Variants in CT45A1 observed in about 807,000 individuals in gnomAD.
The protein encoded by CT45A1 is cancer/testis antigen family 45 member A1.
chrX:135,718,171 C>CTGT (rs782128226), intron 1 of CT45A1, among the ~76,000 whole-genome samples: 1 of 111,285 alleles, frequency 9.0e-6, no homozygotes, highest in Non-Finnish European at 1.9e-5. Context: ...CTGTTTGTTG[C>CTGT]TGTTGTTGTT....
intron 1 of CT45A1, among the ~76,000 whole-genome samples, chrX:135,715,380 A>ATATATAATACTTATATATATAATACTTT (rs2087974909): frequency 1.4e-5 from 1 of 69,505 alleles, no homozygotes; most frequent in African/African-American, 6.2e-5. Flanking sequence ...TATAATACTT[A>ATATATAATACTTATATATATAATACTTT]TATATAATAC....
At chrX:135,711,471 G>T (rs2087932927), upstream of CT45A1, among the ~76,000 whole-genome samples, 1 of 110,795 alleles carries the variant, frequency 9.0e-6, no homozygotes, top group Non-Finnish European at 1.9e-5. Context: ...GTCTCCCTTT[G>T]TCGCCCAGGC....
chrX:135,715,815 A>T (rs1160069383), intron 1 of CT45A1, among the ~76,000 whole-genome samples: 1 of 107,115 alleles, frequency 9.3e-6, no homozygotes, highest in Non-Finnish European at 1.9e-5. Flanking sequence ...TCAACCCATC[A>T]TCTACATTAG....
At chrX:135,710,506 C>T (rs781790177), upstream of CT45A1, 113 of 112,173 alleles carry the variant, frequency 1.0e-3, no homozygotes, top group African/African-American at 3.5e-3. Context: ...CAACTAGTGG[C>T]TGGCAGATCA....
chrX:135,710,797 G>A (rs1189234669), upstream of CT45A1, among the ~76,000 whole-genome samples: 1 of 112,354 alleles, frequency 8.9e-6, no homozygotes, highest in East Asian at 2.8e-4. Context: ...GAACTCTCAT[G>A]AGACCCCAAT....
At chrX:135,712,982 C>CTCCTTCCTTCCTTCCTTCCTTCCT (rs782717113), upstream of CT45A1, among the ~76,000 whole-genome samples, 3 of 7,489 alleles carry the variant, frequency 4.0e-4, no homozygotes, top group Admixed American at 2.1e-3. Context: ...TCTTTTCTTT[C>CTCCTTCCTTCCTTCCTTCCTTCCT]TCCTTCCTTC....
At position 135,714,037 on chromosome X, in the gene CT45A1, G is replaced by A. The variant is rs146356274; in HGVS notation, c.-7+347G>A. Among the ~76,000 whole-genome samples the A allele has an allele frequency of 4.4e-3, 475 of 108,013 alleles. 5 individuals are homozygous for A. Among genetic ancestry groups the A allele is most frequent in the African/African-American group, 0.014 (412 of 29,503 alleles). The allele number at this position is 108,013 out of a possible 115,157, so 93.8% of individuals were successfully genotyped here. ...GGTTGCTTGTGTCGGCCTCGGGTGC[G>A]GTGCTGTTTCTTTCCCACTCAGTCG... On this transcript the variant is annotated intron_variant, in intron 1 of 4. Coordinates refer to ENST00000594565, the MANE Select transcript of CT45A1 (RefSeq NM_001017417.3).
chrX:135,712,661 G>A (rs181490454), upstream of CT45A1, among the ~76,000 whole-genome samples: 2 of 110,468 alleles, frequency 1.8e-5, no homozygotes, highest in East Asian at 5.7e-4. Context: ...CCAAGTAGCT[G>A]TTGGGACTAC....
intron 1 of CT45A1, among the ~76,000 whole-genome samples, chrX:135,718,384 T>C (rs1276369242): frequency 9.0e-6 from 1 of 111,155 alleles, no homozygotes; most frequent in Non-Finnish European, 1.9e-5. Flanking sequence ...TTTTCATTCT[T>C]CTAAATTCCT....
chrX:135,709,475 G>T (rs2087923911), upstream of CT45A1, among the ~76,000 whole-genome samples: 1 of 111,828 alleles, frequency 8.9e-6, no homozygotes, highest in Non-Finnish European at 1.9e-5. Context: ...TGCCATGTTG[G>T]CCAGCCTTGC....
At chrX:135,713,216 GTTTTTTT>G (rs144472727), upstream of CT45A1, among the ~76,000 whole-genome samples, 2 of 88,584 alleles carry the variant, frequency 2.3e-5, no homozygotes, top group Non-Finnish European at 4.5e-5. Context: ...TTTTGTGTGT[GTTTTTTT>G]TTTTTTTGGT....
intron 1 of CT45A1, among the ~76,000 whole-genome samples, chrX:135,716,444 C>A (rs782539137): frequency 4.5e-5 from 5 of 111,427 alleles, no homozygotes; most frequent in South Asian, 7.5e-4. Flanking sequence ...CTTTTCCCCC[C>A]AAATTTTAGT....
At chrX:135,716,615 G>T (rs1320976975) in intron 1 of CT45A1, among the ~76,000 whole-genome samples, 8 of 110,535 alleles carry the variant, frequency 7.2e-5, no homozygotes, top group African/African-American at 2.3e-4. Context: ...AACATGATTT[G>T]GTTTTTCACC....
intron 1 of CT45A1, 54 bp downstream of exon 1, chrX:135,713,744 C>T: frequency 5.7e-6 from 4 of 703,580 alleles, no homozygotes; most frequent in Non-Finnish European, 6.7e-6. Flanking sequence ...GCTTTAATTT[C>T]ACCCCAGAAA....
upstream of CT45A1, among the ~76,000 whole-genome samples, chrX:135,712,167 CT>C (rs1385570908): frequency 1.6e-3 from 96 of 60,289 alleles, no homozygotes; most frequent in Non-Finnish European, 2.1e-3. Flanking sequence ...CCCCTCCTTT[CT>C]TTTTTTCTTT....
chrX:135,709,731 A>G (rs1213696624), upstream of CT45A1, among the ~76,000 whole-genome samples: 4 of 111,021 alleles, frequency 3.6e-5, no homozygotes, highest in African/African-American at 1.3e-4. Flanking sequence ...GAGGGGAGGG[A>G]GGGAGCGGGT....
chrX:135,716,029 C>G (rs1209893845), intron 1 of CT45A1, among the ~76,000 whole-genome samples: 1 of 110,974 alleles, frequency 9.0e-6, no homozygotes, highest in Non-Finnish European at 1.9e-5. Flanking sequence ...TTTAGGGCTG[C>G]AAAGTATTCC....
intron 1 of CT45A1, among the ~76,000 whole-genome samples, chrX:135,717,906 T>C (rs1319658246): frequency 7.1e-5 from 8 of 112,235 alleles, no homozygotes; most frequent in Non-Finnish European, 1.1e-4. Flanking sequence ...TTTAAACCTA[T>C]TGTATTTTCC....
At chrX:135,715,334 TATATATATATAATACTTACATATA>T (rs2087973081) in intron 1 of CT45A1, among the ~76,000 whole-genome samples, 1 of 53,742 alleles carries the variant, frequency 1.9e-5, no homozygotes, top group Admixed American at 2.8e-4. Context: ...ACTTATATAT[TATATATATATAATACTTACATATA>T]ATACTTATAT....
Sources: gnomAD v4.1 joint callset for allele counts (sites outside exome capture counted in the v4.1 genomes callset) on GRCh38, gnomAD v4.1.1 for gene constraint, MANE v1.5 for transcripts, NCBI Gene and HGNC (gene_info 2026-07-23, HGNC 2026-07-21) for gene names.